GALK2: variants seen among roughly 807,000 people sequenced by gnomAD.
GALK2 encodes the protein N-acetylgalactosamine kinase.
In GALK2, 36 loss-of-function variants were observed where a neutral mutation model predicts 52.4. That is an observed-to-expected ratio of 0.69 (90% CI 0.53 to 0.91). The LOEUF (loss-of-function observed/expected upper bound fraction) is 0.91. GALK2 is among the 40% of genes least tolerant of loss of function. The pLI is 0.00. For synonymous variants in GALK2, 176 were observed against 199.1 expected (o/e 0.88, Z 0.98); for missense variants, 579 against 559.1 (o/e 1.04, Z -0.36).
At chr15:49,321,339 T>G (rs554607641) in intron 9 of GALK2, among the ~76,000 whole-genome samples, 7 of 151,734 alleles carry the variant, frequency 4.6e-5, no homozygotes, top group African/African-American at 7.3e-5. Context: ...GTAGATGAAG[T>G]AAGGAAGGAA....
intron 2 of GALK2, among the ~76,000 whole-genome samples, chr15:49,209,771 A>G (rs749568789): frequency 3.3e-5 from 5 of 152,098 alleles, no homozygotes; most frequent in Middle Eastern, 3.2e-3. Context: ...TATATGTTCA[A>G]CTGAGATATT....
chr15:49,231,034 T>C (rs1245531156), intron 3 of GALK2, among the ~76,000 whole-genome samples: 2 of 152,140 alleles, frequency 1.3e-5, no homozygotes, highest in African/African-American at 4.8e-5. Flanking sequence ...ACTTGAGCCA[T>C]ACTTCTAATT....
intron 3 of GALK2, among the ~76,000 whole-genome samples, chr15:49,364,493 TTA>T (rs1429197338): frequency 6.6e-6 from 1 of 152,062 alleles, no homozygotes; most frequent in East Asian, 1.9e-4. Context: ...TTTCTATATA[TTA>T]TGTTTCTCTA....
chr15:49,226,177 A>G (rs1267729784), intron 3 of GALK2, among the ~76,000 whole-genome samples: 1 of 152,076 alleles, frequency 6.6e-6, no homozygotes. Flanking sequence ...GAGTACTTTT[A>G]CTGCCTACTC....
chr15:49,319,568 T>C, intron 8 of GALK2, 36 bp from the exon 9 acceptor site: 1 of 1,591,400 alleles, frequency 6.3e-7, no homozygotes, highest in Non-Finnish European at 8.6e-7. Flanking sequence ...CCAGTAACTA[T>C]TCCTAACCTC....
intron 2 of GALK2, among the ~76,000 whole-genome samples, chr15:49,209,340 T>A (rs1211443630): frequency 2.0e-5 from 3 of 152,204 alleles, no homozygotes; most frequent in Non-Finnish European, 4.4e-5. Context: ...CTTGCCTGAT[T>A]GCTCTGGCTC....
chr15:49,170,043 G>C, upstream of GALK2: 3 of 495,448 alleles, frequency 6.1e-6, no homozygotes, highest in South Asian at 8.8e-5. Context: ...GCTCTGCGCA[G>C]GGGCTCCTGC....
intron 7 of GALK2, among the ~76,000 whole-genome samples, chr15:49,287,608 C>T (rs1056019244): frequency 2.6e-5 from 4 of 152,112 alleles, no homozygotes; most frequent in African/African-American, 7.2e-5. Context: ...AATAACCTCT[C>T]ATGTAAAAAG....
intron 3 of GALK2, among the ~76,000 whole-genome samples, chr15:49,337,510 T>C: frequency 9.7e-6 from 1 of 102,942 alleles, no homozygotes; most frequent in East Asian, 2.5e-4. Flanking sequence ...TTTACCCACT[T>C]TTTTTTTTTT....
chr15:49,351,824 TC>T (rs1219972570), intron 3 of GALK2, among the ~76,000 whole-genome samples: 3 of 152,196 alleles, frequency 2.0e-5, no homozygotes, highest in African/African-American at 7.2e-5. Flanking sequence ...AGGAGCCAGA[TC>T]TTTGTACATC....
intron 2 of GALK2, among the ~76,000 whole-genome samples, chr15:49,212,699 C>G: frequency 6.6e-6 from 1 of 151,978 alleles, no homozygotes; most frequent in Non-Finnish European, 1.5e-5. Context: ...GATCTGTTGT[C>G]TTTTCACTCC....
At chr15:49,161,698 A>T (rs1292958184) in intron 1 of GALK2, 2 of 171,958 alleles carry the variant, frequency 1.2e-5, no homozygotes, top group Non-Finnish European at 2.4e-5. Flanking sequence ...GCACATACTT[A>T]AAGTATAAAA....
rs73394313 is a variant in GALK2, at chr15:49,268,524, G to C, written c.505-13463G>C. Reference sequence around the variant, plus strand: ...ATAGAAAGAATCATGAAGTAAGAGAGAAAGTGAGCAGAGCTGCAGTCTGAG... The same window carrying C: ...ATAGAAAGAATCATGAAGTAAGAGACAAAGTGAGCAGAGCTGCAGTCTGAG... On this transcript the variant is annotated intron_variant, in intron 5 of 9. Transcript: ENST00000560031. 9.7e-3 allele frequency among the ~76,000 whole-genome samples: 1,477 copies of C among 152,328 alleles called. 23 individuals carry two copies. The highest frequency in any genetic ancestry group is 0.034 in the African/African-American group (1,418 of 41,574).
intron 9 of GALK2, among the ~76,000 whole-genome samples, chr15:49,322,569 G>A (rs185736909): frequency 6.6e-6 from 1 of 152,266 alleles, no homozygotes; most frequent in East Asian, 1.9e-4. Flanking sequence ...GTTGATGCAG[G>A]CATTATGTCC....
At chr15:49,348,074 G>A (rs961023186) in intron 3 of GALK2, among the ~76,000 whole-genome samples, 5 of 144,834 alleles carry the variant, frequency 3.5e-5, no homozygotes, top group Admixed American at 2.1e-4. Context: ...TGCTTCAAAT[G>A]ATCAGCTTTA....
At chr15:49,303,049 C>G (rs2035243073) in intron 8 of GALK2, among the ~76,000 whole-genome samples, 1 of 152,138 alleles carries the variant, frequency 6.6e-6, no homozygotes, top group Non-Finnish European at 1.5e-5. Flanking sequence ...TCTCTCTCTG[C>G]CTGGTCACTT....
At chr15:49,288,931 G>A (rs758382817) in intron 7 of GALK2, among the ~76,000 whole-genome samples, 4 of 152,174 alleles carry the variant, frequency 2.6e-5, no homozygotes, top group Admixed American at 2.6e-4. Context: ...CCTAGTAAGG[G>A]TTGGGTACAG....
At chr15:49,300,592 C>G (rs535258553) in intron 8 of GALK2, among the ~76,000 whole-genome samples, 2 of 152,228 alleles carry the variant, frequency 1.3e-5, no homozygotes, top group Admixed American at 1.3e-4. Context: ...ATAATCCCGA[C>G]ATGTCATGGG....
chr15:49,303,408 C>T (rs188624009), intron 8 of GALK2, among the ~76,000 whole-genome samples: 35 of 152,264 alleles, frequency 2.3e-4, no homozygotes, highest in Admixed American at 1.8e-3. Flanking sequence ...GCTTCTCAGC[C>T]GCTGGTAGGT....
Sources: gnomAD v4.1 joint callset for allele counts (sites outside exome capture counted in the v4.1 genomes callset) on GRCh38, gnomAD v4.1.1 for gene constraint, MANE v1.5 for transcripts, NCBI Gene and HGNC (gene_info 2026-07-23, HGNC 2026-07-21) for gene names.